SETBP1: variants seen among roughly 807,000 people sequenced by gnomAD.
SETBP1 encodes SET binding protein 1, also known as SET-binding protein.
Under a neutral mutation model 101.0 loss-of-function variants are expected in SETBP1, and 9 were observed. That is an observed-to-expected ratio of 0.09 (90% CI 0.05 to 0.16). The LOEUF (loss-of-function observed/expected upper bound fraction) is 0.16. SETBP1 is among the 10% of genes least tolerant of loss of function. SETBP1 has a pLI of 1.00. For synonymous variants in SETBP1, 818 were observed against 788.5 expected (o/e 1.04, Z -0.63); for missense variants, 1,858 against 2,033.8 (o/e 0.91, Z 1.66).
intron 3 of SETBP1, among the ~76,000 whole-genome samples, chr18:44,902,604 C>G (rs531331990): frequency 6.6e-6 from 1 of 151,872 alleles, no homozygotes; most frequent in South Asian, 2.1e-4. Flanking sequence ...TGAAAGAATA[C>G]CAGATTATTA....
At chr18:44,812,333 T>G (rs2071881337) in intron 2 of SETBP1, among the ~76,000 whole-genome samples, 1 of 152,220 alleles carries the variant, frequency 6.6e-6, no homozygotes, top group South Asian at 2.1e-4. Flanking sequence ...TAATTTTTTC[T>G]TGATACACAG....
At chr18:44,935,216 A>G (rs2145014193) in intron 3 of SETBP1, among the ~76,000 whole-genome samples, 1 of 152,310 alleles carries the variant, frequency 6.6e-6, no homozygotes, top group South Asian at 2.1e-4. Context: ...GGGAAGCTTA[A>G]AAGCTGGAAT....
Position 44,952,407 on chromosome 18 carries a change from G to T in SETBP1, c.3067G>T (p.Ala1023Ser). Residue 1023 changes from alanine (A) to serine (S), a missense_variant, in exon 4 of 6, where the codon GCA becomes TCA. By Grantham distance (99) the Ala-to-Ser change is moderately conservative. Transcript: ENST00000649279. Reference sequence around the variant, plus strand: ...GTCAAAGAAGAAGCGTGGTAGGCCTGCAAAAACCAATGACACCATGACAAA... The same window carrying T: ...GTCAAAGAAGAAGCGTGGTAGGCCTTCAAAAACCAATGACACCATGACAAA... ...LKSKKKRGRP[A>S]KTNDTMTKVP... 6.2e-7 allele frequency: 1 copy of T among 1,614,110 alleles called. No homozygotes were observed. Among genetic ancestry groups the T allele is most frequent in the Non-Finnish European group, 8.5e-7 (1 of 1,180,038 alleles).
rs926007121 is a variant in SETBP1, at chr18:45,065,087, G to T, written c.*1389G>T. On this transcript the variant is annotated 3_prime_UTR_variant, in exon 6 of 6. Coordinates refer to ENST00000649279, the MANE Select transcript of SETBP1 (RefSeq NM_015559.3). ...TGTGTGACAAATCGTCTTTTAAATG[G>T]TCAATTTCAGCTGTACATTTCTCAT... The T allele has an allele frequency of 6.6e-6, 1 of 152,110 alleles. No individual in the cohort carries two copies. Among genetic ancestry groups the T allele is most frequent in the Non-Finnish European group, 1.5e-5 (1 of 68,022 alleles). The allele number at this position is 152,110 out of a possible 1,614,324, so 9.4% of individuals were successfully genotyped here.
chr18:44,768,567 G>C (rs917012494), intron 2 of SETBP1, among the ~76,000 whole-genome samples: 3 of 152,198 alleles, frequency 2.0e-5, no homozygotes, highest in Admixed American at 6.5e-5. Flanking sequence ...GTCAAGACTA[G>C]CTGAGGTTTT....
In SETBP1 at chr18:44,951,359, G is replaced by C. The variant is rs778381575; in HGVS notation, c.2019G>C (p.Lys673Asn). ...IKTINKMKTL[K>N]RKNILNQILS... ...CTATCAATAAGATGAAGACACTCAA[G>C]AGGAAAAACATCTTGAATCAGATCT... is the stretch of plus-strand genomic sequence containing the variant. Residue 673 changes from lysine (K) to asparagine (N), a missense_variant, in exon 4 of 6, where the codon AAG (lysine) becomes AAC (asparagine). By Grantham distance (94) the Lys-to-Asn change is moderately conservative (BLOSUM62 0). Coordinates refer to ENST00000649279, the MANE Select transcript of SETBP1 (RefSeq NM_015559.3). This position sits in a 1 kb window ranked among gnomAD's most constrained non-coding sequence, Gnocchi z 7.8. The C allele has an allele frequency of 6.2e-7, 1 of 1,614,026 alleles. No homozygotes were observed. Among genetic ancestry groups the C allele is most frequent in the East Asian group, 2.2e-5 (1 of 44,866 alleles).
intron 4 of SETBP1, among the ~76,000 whole-genome samples, chr18:45,001,224 T>A (rs1385016604): frequency 6.6e-6 from 1 of 152,170 alleles, no homozygotes; most frequent in Non-Finnish European, 1.5e-5. Context: ...GAGTAAGACA[T>A]TTTTGGTAAG....
At chr18:44,709,181 T>C (rs1476584922) in intron 2 of SETBP1, among the ~76,000 whole-genome samples, 1 of 152,208 alleles carries the variant, frequency 6.6e-6, no homozygotes, top group African/African-American at 2.4e-5. Context: ...TGTTCTCTTG[T>C]TTGTTTTTTT....
intron 4 of SETBP1, among the ~76,000 whole-genome samples, chr18:45,033,265 G>C (rs545071371): frequency 6.9e-4 from 105 of 152,308 alleles, no homozygotes; most frequent in African/African-American, 2.5e-3. Flanking sequence ...TATAGGGAAA[G>C]AAAGAACATT....
chr18:44,831,031 G>A (rs2072350936), intron 2 of SETBP1, among the ~76,000 whole-genome samples: 2 of 152,216 alleles, frequency 1.3e-5, no homozygotes, highest in Admixed American at 6.5e-5. Flanking sequence ...CCAGAGTGCT[G>A]AAGGCCTTGT....
At chr18:44,923,501 A>G (rs2144945373) in intron 3 of SETBP1, among the ~76,000 whole-genome samples, 1 of 152,296 alleles carries the variant, frequency 6.6e-6, no homozygotes, top group South Asian at 2.1e-4. Flanking sequence ...GCATTTGGCC[A>G]TTTACTTGGG....
At chr18:45,027,657 G>C (rs1406844023) in intron 4 of SETBP1, among the ~76,000 whole-genome samples, 1 of 152,186 alleles carries the variant, frequency 6.6e-6, no homozygotes, top group African/African-American at 2.4e-5. Context: ...GTGCTAAGAA[G>C]TAATCATGGT....
intron 4 of SETBP1, among the ~76,000 whole-genome samples, chr18:44,991,113 G>T (rs371909789): frequency 6.6e-6 from 1 of 150,990 alleles, no homozygotes; most frequent in South Asian, 2.1e-4. Flanking sequence ...GTGGTAGCAC[G>T]TGCCTTGTAG....
chr18:44,832,689 A>G (rs1342062108), intron 2 of SETBP1, among the ~76,000 whole-genome samples: 1 of 152,112 alleles, frequency 6.6e-6, no homozygotes, highest in Non-Finnish European at 1.5e-5. Context: ...GGCAGGGCTG[A>G]TGGGCCCACC....
chr18:45,033,518 C>A (rs1386783726), intron 4 of SETBP1, among the ~76,000 whole-genome samples: 2 of 152,222 alleles, frequency 1.3e-5, no homozygotes, highest in Admixed American at 6.5e-5. Context: ...ATGCCAAAAT[C>A]TGTCTTCTGC....
chr18:45,053,791 A>G (rs1336781118), intron 5 of SETBP1, among the ~76,000 whole-genome samples: 1 of 152,152 alleles, frequency 6.6e-6, no homozygotes, highest in Non-Finnish European at 1.5e-5. Flanking sequence ...TTAAAGAGAC[A>G]AAGAAAATGT....
At chr18:44,698,904 T>C (rs2069064348) in intron 1 of SETBP1, among the ~76,000 whole-genome samples, 1 of 152,244 alleles carries the variant, frequency 6.6e-6, no homozygotes, top group Non-Finnish European at 1.5e-5. Context: ...TTCAGAACTT[T>C]GTCTTGTACA....
chr18:44,879,190 ATCTC>A (rs1208355016), intron 3 of SETBP1, among the ~76,000 whole-genome samples: 1 of 152,138 alleles, frequency 6.6e-6, no homozygotes, highest in East Asian at 1.9e-4. Context: ...CAAAACATAA[ATCTC>A]TCCCACTTTG....
chr18:44,877,836 C>T (rs2069443565), intron 3 of SETBP1, among the ~76,000 whole-genome samples: 1 of 152,036 alleles, frequency 6.6e-6, no homozygotes, highest in African/African-American at 2.4e-5. Flanking sequence ...TCCAGAAAGT[C>T]TGGCATTTCC....
Sources: gnomAD v4.1 joint callset for allele counts (sites outside exome capture counted in the v4.1 genomes callset) on GRCh38, gnomAD v4.1.1 for gene constraint, Gnocchi (gnomAD v3.1) non-coding constraint, MANE v1.5 for transcripts, NCBI Gene and HGNC (gene_info 2026-07-23, HGNC 2026-07-21) for gene names.